FAF1: variants seen among roughly 807,000 people sequenced by gnomAD.
The protein encoded by FAF1 is Fas associated factor 1.
Under a neutral mutation model 92.5 loss-of-function variants are expected in FAF1, and 25 were observed. The observed-to-expected ratio is 0.27, with a 90% CI of 0.20 to 0.38. The LOEUF is 0.38. Ranked by LOEUF, FAF1 falls within the 10% of genes least tolerant of loss-of-function variation. The pLI, the probability that FAF1 is intolerant of heterozygous loss-of-function variation, is 1.00. For synonymous variants in FAF1, 234 were observed against 273.2 expected (o/e 0.86, Z 1.42); for missense variants, 636 against 793.3 (o/e 0.80, Z 2.38).
chr1:50,694,033 G>A (rs568783557), intron 7 of FAF1, among the ~76,000 whole-genome samples: 1 of 151,598 alleles, frequency 6.6e-6, no homozygotes, highest in Admixed American at 6.6e-5. Flanking sequence ...ACATATATAT[G>A]ACATATACAT....
intron 15 of FAF1, among the ~76,000 whole-genome samples, chr1:50,533,703 C>T (rs1033689906): frequency 6.6e-6 from 1 of 152,158 alleles, no homozygotes; most frequent in Non-Finnish European, 1.5e-5. Context: ...AAAACTCTCC[C>T]TTACGTGTTC....
At chr1:50,932,010 A>G (rs1645052560) in intron 1 of FAF1, among the ~76,000 whole-genome samples, 1 of 150,690 alleles carries the variant, frequency 6.6e-6, no homozygotes, top group African/African-American at 2.4e-5. Context: ...GGGAATAATA[A>G]TAATAATAAT....
intron 6 of FAF1, among the ~76,000 whole-genome samples, chr1:50,723,531 G>A (rs1283477479): frequency 6.6e-6 from 1 of 152,172 alleles, no homozygotes; most frequent in Non-Finnish European, 1.5e-5. Flanking sequence ...ATAACAGGGA[G>A]AGAGGAGAGT....
chr1:50,902,860 T>A lies in FAF1; in HGVS notation c.46-44863A>T, dbSNP rs1164402860. Among the ~76,000 whole-genome samples, 3 of 152,158 alleles carry A rather than the reference T, an allele frequency of 2.0e-5. No homozygotes were observed. In the East Asian group the frequency reaches 5.8e-4, roughly 29 times the overall value. ...TCTCCCGAATATTTTCAATTTGTGGTTGGTTGAATCTGGAAATGCCGAACT... is the reference window on the plus strand; with the variant it reads ...TCTCCCGAATATTTTCAATTTGTGGATGGTTGAATCTGGAAATGCCGAACT... On this transcript the variant is annotated intron_variant, in intron 1 of 18. Coordinates refer to ENST00000396153, the MANE Select transcript of FAF1 (RefSeq NM_007051.3).
Position 50,906,093 on chromosome 1 carries a change from A to G in FAF1, c.46-48096T>C, listed in dbSNP as rs898310313. Among the ~76,000 whole-genome samples the G allele has an allele frequency of 4.6e-5, 7 of 152,216 alleles. No individual in the cohort carries two copies. In the South Asian group the frequency reaches 6.2e-4, roughly 13 times the overall value. ...AAGGGATCCAGTTTCAGCTTTCTAC[A>G]TATGGCTAGCCAGTTTTCCCAGCAC... On this transcript the variant is annotated intron_variant, in intron 1 of 18. Transcript: ENST00000396153.
chr1:50,706,061 C>G, intron 6 of FAF1, 170 bp from the exon 7 acceptor site: 1 of 531,172 alleles, frequency 1.9e-6, no homozygotes, highest in East Asian at 2.8e-5. Context: ...TGAGAACAAC[C>G]AAGGGGAGCT....
rs12057689 is a variant in FAF1, at chr1:50,597,086, C to T, written c.745-870G>A. On this transcript the variant is annotated intron_variant, in intron 8 of 18. Coordinates refer to ENST00000396153, the MANE Select transcript of FAF1 (RefSeq NM_007051.3). ...TATTTGATTATTACTTTCTCCACAG[C>T]GTAGGGATAATAAGGTTGAGTTTAT... 9.9e-3 allele frequency among the ~76,000 whole-genome samples: 1,508 copies of T among 152,158 alleles called. 23 individuals carry two copies. Among genetic ancestry groups the T allele is most frequent in the African/African-American group, 0.034 (1,429 of 41,526 alleles).
intron 18 of FAF1, among the ~76,000 whole-genome samples, chr1:50,468,357 A>T (rs1572763323): frequency 6.6e-6 from 1 of 151,514 alleles, no homozygotes; most frequent in Admixed American, 6.6e-5. Context: ...CAGTGGTAGG[A>T]TCTTGGCTCA....
intron 7 of FAF1, among the ~76,000 whole-genome samples, chr1:50,663,094 A>G (rs1435904398): frequency 3.3e-5 from 5 of 151,878 alleles, no homozygotes; most frequent in Admixed American, 1.3e-4. Flanking sequence ...AAAGCTAAAC[A>G]TATTTCACAA....
chr1:50,457,089 C>T (rs954800514), intron 18 of FAF1, among the ~76,000 whole-genome samples: 3 of 149,520 alleles, frequency 2.0e-5, no homozygotes, highest in Non-Finnish European at 4.4e-5. Flanking sequence ...GTAAAGAATG[C>T]ATGCATGAGG....
chr1:50,691,368 C>T (rs1337247295), intron 7 of FAF1, among the ~76,000 whole-genome samples: 2 of 150,802 alleles, frequency 1.3e-5, no homozygotes, highest in African/African-American at 4.9e-5. Context: ...TCAGCCTCCC[C>T]AGTAGCTGAG....
chr1:50,709,382 ATTAC>A (rs1332360803), intron 6 of FAF1, among the ~76,000 whole-genome samples: 1 of 152,186 alleles, frequency 6.6e-6, no homozygotes, highest in Non-Finnish European at 1.5e-5. Flanking sequence ...ATAATAACTG[ATTAC>A]TTATCAGTAT....
At chr1:50,755,221 T>G (rs1218677174) in intron 4 of FAF1, among the ~76,000 whole-genome samples, 1 of 152,182 alleles carries the variant, frequency 6.6e-6, no homozygotes, top group East Asian at 1.9e-4. Flanking sequence ...AGTTACTTCC[T>G]AGATACAATG....
chr1:50,943,625 T>C (rs1217888049), intron 1 of FAF1, among the ~76,000 whole-genome samples: 12 of 152,106 alleles, frequency 7.9e-5, no homozygotes, highest in Admixed American at 7.9e-4. Context: ...ATGACTCCCC[T>C]TATAAAGATA....
intron 18 of FAF1, chr1:50,470,917 T>G (rs189298352): frequency 9.8e-5 from 15 of 152,362 alleles, no homozygotes; most frequent in African/African-American, 1.4e-4. Context: ...TATAATACTT[T>G]CCGTTATCAC....
chr1:50,600,949 A>C (rs2124099719), intron 8 of FAF1, among the ~76,000 whole-genome samples: 1 of 152,320 alleles, frequency 6.6e-6, no homozygotes, highest in Non-Finnish European at 1.5e-5. Context: ...AATGAATATA[A>C]TCCACATAAA....
At chr1:50,673,582 TAA>T (rs1235201049) in intron 7 of FAF1, among the ~76,000 whole-genome samples, 2 of 152,172 alleles carry the variant, frequency 1.3e-5, no homozygotes, top group Non-Finnish European at 2.9e-5. Flanking sequence ...AGTGAATATA[TAA>T]ATTCATAAAT....
intron 15 of FAF1, among the ~76,000 whole-genome samples, chr1:50,494,422 G>A (rs771095544): frequency 1.3e-5 from 2 of 152,136 alleles, no homozygotes; most frequent in Non-Finnish European, 2.9e-5. Flanking sequence ...AAATCTAAGA[G>A]GACACATCAA....
chr1:50,898,265 G>A (rs547738492), intron 1 of FAF1, among the ~76,000 whole-genome samples: 3 of 152,248 alleles, frequency 2.0e-5, no homozygotes, highest in South Asian at 4.1e-4. Context: ...GATCATGCCT[G>A]TGAACAGGCA....
Sources: allele counts gnomAD v4.1 joint callset (sites outside exome capture counted in the v4.1 genomes callset), GRCh38; gene constraint gnomAD v4.1.1; transcripts MANE v1.5; gene names NCBI Gene and HGNC (gene_info 2026-07-23, HGNC 2026-07-21).